The following STXBP6 variants were observed in gnomAD, a reference collection of about 807,000 sequenced individuals.
The protein encoded by STXBP6 is syntaxin-binding protein 6.
A neutral mutation model predicts 26.9 loss-of-function variants in STXBP6; 21 were observed. The observed-to-expected ratio is 0.78, with a 90% CI of 0.55 to 1.12. The LOEUF (loss-of-function observed/expected upper bound fraction) is 1.12. Ranked by LOEUF, STXBP6 falls within the 50% of genes most tolerant of loss-of-function variation. The probability of loss-of-function intolerance (pLI) is 0.00; values close to 1 mark genes in which losing one functional copy is unlikely to be tolerated. For synonymous variants in STXBP6, 97 were observed against 92.6 expected (o/e 1.05, Z -0.27); for missense variants, 232 against 257.9 (o/e 0.90, Z 0.69).
At chr14:24,867,405 A>C (rs917325950) in intron 2 of STXBP6, among the ~76,000 whole-genome samples, 3 of 152,234 alleles carry the variant, frequency 2.0e-5, no homozygotes, top group Non-Finnish European at 4.4e-5. Flanking sequence ...GCACAAATGG[A>C]TCAAGACAAT....
intron 1 of STXBP6, among the ~76,000 whole-genome samples, chr14:25,045,284 C>T (rs1221739871): frequency 6.6e-6 from 1 of 152,048 alleles, no homozygotes. Flanking sequence ...TATAATGATG[C>T]CCATGTTGAG....
At chr14:24,936,015 CCTTGA>C (rs2072583058) in intron 2 of STXBP6, among the ~76,000 whole-genome samples, 1 of 152,138 alleles carries the variant, frequency 6.6e-6, no homozygotes, top group African/African-American at 2.4e-5. Context: ...TGTGACTCTT[CCTTGA>C]CTTAACAGTA....
At chr14:24,908,850 G>A (rs1256521169) in intron 2 of STXBP6, among the ~76,000 whole-genome samples, 1 of 152,172 alleles carries the variant, frequency 6.6e-6, no homozygotes, top group Non-Finnish European at 1.5e-5. Context: ...TTGTGGTCAG[G>A]TTCCACATCA....
chr14:24,861,553 C>T (rs1394221294), intron 2 of STXBP6, among the ~76,000 whole-genome samples: 5 of 152,258 alleles, frequency 3.3e-5, no homozygotes, highest in South Asian at 2.1e-4. Context: ...GGGTGGATTT[C>T]GCAATATCCA....
rs1181968771 is a variant in STXBP6 at position 24,962,311 on chromosome 14, ATTTATTTATTTATTTAT to A, written c.154+12337_154+12353del. On this transcript the variant is annotated intron_variant, in intron 2 of 5. Coordinates refer to ENST00000323944, the MANE Select transcript of STXBP6 (RefSeq NM_001394410.1). ...ATTTTATTTATTTATTTATTTATTT[ATTTATTTATTTATTTAT>A]TTATTTATTTATTATTTTTGAGACA... Among the ~76,000 whole-genome samples, 249 of 148,934 alleles carry A rather than the reference ATTTATTTATTTATTTAT, an allele frequency of 1.7e-3. 1 individual carries two copies. Among genetic ancestry groups the A allele is most frequent in the African/African-American group, 5.6e-3 (229 of 40,808 alleles).
intron 2 of STXBP6, among the ~76,000 whole-genome samples, chr14:24,859,942 G>C (rs1468318120): frequency 6.6e-6 from 1 of 152,186 alleles, no homozygotes; most frequent in African/African-American, 2.4e-5. Flanking sequence ...AGGCCGCTTT[G>C]CTATTAGCTC....
intron 2 of STXBP6, among the ~76,000 whole-genome samples, chr14:24,973,192 C>A (rs1000732496): frequency 6.6e-6 from 1 of 152,110 alleles, no homozygotes; most frequent in Non-Finnish European, 1.5e-5. Context: ...CTTCTTTCTT[C>A]CACTTAGTCA....
chr14:25,011,623 T>G (rs778211222), intron 1 of STXBP6, among the ~76,000 whole-genome samples: 6 of 152,216 alleles, frequency 3.9e-5, no homozygotes, highest in Admixed American at 2.0e-4. Context: ...AATCCAGTTA[T>G]ATTTTAAGTA....
At chr14:24,989,414 G>A (rs939338482) in intron 1 of STXBP6, among the ~76,000 whole-genome samples, 3 of 152,158 alleles carry the variant, frequency 2.0e-5, no homozygotes, top group African/African-American at 4.8e-5. Flanking sequence ...TCAAGAAATC[G>A]TCACAGCGAT....
chr14:24,918,322 G>T (rs1407827143), intron 2 of STXBP6, among the ~76,000 whole-genome samples: 1 of 151,692 alleles, frequency 6.6e-6, no homozygotes, highest in Non-Finnish European at 1.5e-5. Flanking sequence ...GAGGGTAAGG[G>T]GACACAGGAA....
chr14:24,915,928 T>A (rs2071749681), intron 2 of STXBP6, among the ~76,000 whole-genome samples: 1 of 152,166 alleles, frequency 6.6e-6, no homozygotes, highest in Non-Finnish European at 1.5e-5. Flanking sequence ...TGAACCGGCT[T>A]TTTTAACAGG....
chr14:24,833,497 A>G (rs17200659), intron 4 of STXBP6, among the ~76,000 whole-genome samples: 29,546 of 152,208 alleles, frequency 0.19, 3,600 homozygotes, highest in Admixed American at 0.36. Context: ...CAAATTAGTA[A>G]GTGTACAATA....
At chr14:24,910,258 C>G (rs1244126275) in intron 2 of STXBP6, among the ~76,000 whole-genome samples, 1 of 145,282 alleles carries the variant, frequency 6.9e-6, no homozygotes, top group Non-Finnish European at 1.5e-5. Flanking sequence ...AACCCTGCCC[C>G]CAATCTACAC....
intron 4 of STXBP6, among the ~76,000 whole-genome samples, chr14:24,821,620 T>C (rs1224351412): frequency 1.3e-5 from 2 of 152,192 alleles, no homozygotes; most frequent in East Asian, 3.8e-4. Flanking sequence ...CCAGTTTCAA[T>C]TCTACCCACA....
At chr14:25,004,095 T>A (rs1239178180) in intron 1 of STXBP6, among the ~76,000 whole-genome samples, 1 of 152,210 alleles carries the variant, frequency 6.6e-6, no homozygotes, top group African/African-American at 2.4e-5. Context: ...CAAGAGCGAA[T>A]GTGAGTGATC....
chr14:25,030,176 C>T (rs1235838928), intron 1 of STXBP6, among the ~76,000 whole-genome samples: 1 of 152,196 alleles, frequency 6.6e-6, no homozygotes, highest in Non-Finnish European at 1.5e-5. Flanking sequence ...AATTAGATAG[C>T]AATTGGATAG....
At chr14:24,937,264 G>A (rs1052741660) in intron 2 of STXBP6, among the ~76,000 whole-genome samples, 20 of 152,056 alleles carry the variant, frequency 1.3e-4, no homozygotes, top group Admixed American at 1.0e-3. Context: ...TTCTGCACAC[G>A]TACCCCAGAA....
chr14:24,837,515 G>A (rs1240267684), intron 4 of STXBP6, among the ~76,000 whole-genome samples: 1 of 152,124 alleles, frequency 6.6e-6, no homozygotes, highest in African/African-American at 2.4e-5. Flanking sequence ...CCAGCAAAAT[G>A]TTGCTCTGTG....
At position 24,836,725 on chromosome 14, in the gene STXBP6, G is replaced by C. The variant is rs575586960; in HGVS notation, c.452-17531C>G. Among the ~76,000 whole-genome samples the C allele has an allele frequency of 2.6e-5, 4 of 151,906 alleles. No homozygotes were observed. The South Asian group carries it at 8.3e-4, about 32-fold the overall frequency. ...TAATAGGAAGAAAGTAGGATAGCAGGATGGATAAAAATCAACAAAAGAAAA... is the reference window on the plus strand; with the variant it reads ...TAATAGGAAGAAAGTAGGATAGCAGCATGGATAAAAATCAACAAAAGAAAA... On this transcript the variant is annotated intron_variant, in intron 4 of 5. Transcript: ENST00000323944.
Sources: allele counts gnomAD v4.1 joint callset (sites outside exome capture counted in the v4.1 genomes callset), GRCh38; gene constraint gnomAD v4.1.1; transcripts MANE v1.5; gene names NCBI Gene and HGNC (gene_info 2026-07-23, HGNC 2026-07-21).